The following FAM53A variants were observed in gnomAD, a reference collection of about 807,000 sequenced individuals.
The protein encoded by FAM53A is family with sequence similarity 53 member A.
A neutral mutation model predicts 26.6 loss-of-function variants in FAM53A; 28 were observed. The ratio of observed to expected loss-of-function variants is 1.05; its 90% CI spans 0.78 to 1.45. FAM53A has a LOEUF of 1.45. Among genes scored for constraint, FAM53A ranks in the 40% most tolerant of loss-of-function variants. FAM53A has a pLI of 0.00. For missense variants in FAM53A, 650 were observed against 575.8 expected (o/e 1.13, Z -1.32); for synonymous variants, 290 against 253.1 (o/e 1.15, Z -1.38).
chr4:1,649,783 C>G (rs1712581651), intron 4 of FAM53A, among the ~76,000 whole-genome samples: 1 of 152,270 alleles, frequency 6.6e-6, no homozygotes, highest in African/African-American at 2.4e-5. Context: ...CAGAGCCTCC[C>G]CATCGGCCTC....
At chr4:1,680,616 C>A (rs904522982) in intron 1 of FAM53A, among the ~76,000 whole-genome samples, 1 of 152,130 alleles carries the variant, frequency 6.6e-6, no homozygotes, top group East Asian at 1.9e-4. Context: ...TACATCCAGA[C>A]AGTGTAATAT....
the FAM53A span, among the ~76,000 whole-genome samples, chr4:1,581,541 C>G: frequency 6.6e-6 from 1 of 152,228 alleles, no homozygotes; most frequent in South Asian, 2.1e-4. Context: ...ACTGGCAAAA[C>G]CCAATTAGAC....
chr4:1,632,966 T>G (rs1426756570), intron 1 of FAM53A, among the ~76,000 whole-genome samples: 1 of 152,234 alleles, frequency 6.6e-6, no homozygotes, highest in Non-Finnish European at 1.5e-5. Context: ...CATACATGCA[T>G]GTGCACAGGG....
intron 2 of FAM53A, among the ~76,000 whole-genome samples, chr4:1,664,022 G>A (rs1234875376): frequency 6.6e-6 from 1 of 152,192 alleles, no homozygotes; most frequent in East Asian, 1.9e-4. Flanking sequence ...GGGACAAGCA[G>A]CTGGGTCCTC....
chr4:1,604,832 C>G, the FAM53A span, among the ~76,000 whole-genome samples: 4 of 152,160 alleles, frequency 2.6e-5, no homozygotes, highest in African/African-American at 7.2e-5. Flanking sequence ...GAGCACCACC[C>G]CCACCCTGCG....
chr4:1,645,821 C>A (rs780353467), intron 4 of FAM53A, among the ~76,000 whole-genome samples: 6 of 152,230 alleles, frequency 3.9e-5, no homozygotes, highest in Non-Finnish European at 5.9e-5. Flanking sequence ...TCGGTCTGCG[C>A]CGTCTCAAAC....
chr4:1,632,708 T>C (rs776192243), intron 1 of FAM53A, among the ~76,000 whole-genome samples: 1 of 152,262 alleles, frequency 6.6e-6, no homozygotes, highest in African/African-American at 2.4e-5. Context: ...TGCATGCACG[T>C]GGGCAGTTTG....
chr4:1,626,436 C>T (rs1467951806), intron 1 of FAM53A, among the ~76,000 whole-genome samples: 15 of 152,216 alleles, frequency 9.9e-5, no homozygotes, highest in Admixed American at 9.2e-4. Context: ...CCAGACCCAG[C>T]GGGGAAGTCG....
chr4:1,640,344 G>T lies in FAM53A; in HGVS notation c.*949C>A, dbSNP rs554867158. 9 of 232,430 alleles carry T rather than the reference G, an allele frequency of 3.9e-5. No homozygotes were observed. Among genetic ancestry groups the T allele is most frequent in the Non-Finnish European group, 7.5e-5 (9 of 120,360 alleles). 14.4% of individuals were successfully genotyped at this position (232,430 alleles called of 1,614,324 possible). A position where few individuals can be genotyped will look rare whatever the true frequency, so the allele number is the denominator to read the frequency against. On this transcript the variant is annotated 3_prime_UTR_variant, in exon 5 of 5. Coordinates refer to ENST00000308132, the MANE Select transcript of FAM53A (RefSeq NM_001174070.3). ...CCAAGCACCGTGACCCGTCGGGAGG[G>T]GGGGACACACGGGGCCAGTGGGACT...
intron 2 of FAM53A, among the ~76,000 whole-genome samples, chr4:1,668,069 C>A (rs1258684216): frequency 6.6e-6 from 1 of 152,114 alleles, no homozygotes; most frequent in Non-Finnish European, 1.5e-5. Flanking sequence ...ACAGGCACAC[C>A]TGCGCTTGGG....
chr4:1,673,196 C>T (rs1446506857), intron 1 of FAM53A, among the ~76,000 whole-genome samples: 1 of 152,154 alleles, frequency 6.6e-6, no homozygotes, highest in African/African-American at 2.4e-5. Flanking sequence ...GAGGCCCTGC[C>T]CAGACTGGAG....
chr4:1,595,408 G>A, the FAM53A span, among the ~76,000 whole-genome samples: 2 of 152,238 alleles, frequency 1.3e-5, no homozygotes, highest in East Asian at 1.9e-4. Context: ...CTGAGAAGGG[G>A]CATGCAGAGG....
chr4:1,597,986 G>A, the FAM53A span, among the ~76,000 whole-genome samples: 1 of 152,188 alleles, frequency 6.6e-6, no homozygotes. Context: ...ACAGAGCGAG[G>A]CTCCAAAAAG....
chr4:1,644,597 G>A (rs762093276), intron 4 of FAM53A: 55 of 454,220 alleles, frequency 1.2e-4, no homozygotes, highest in African/African-American at 2.4e-4. Context: ...CCGGGGCTCC[G>A]TCCCAGCTCC....
rs75669924 is a variant in FAM53A, at chr4:1,622,294, G to C, written c.432-4183C>G. Among the ~76,000 whole-genome samples the C allele has an allele frequency of 3.0e-4, 46 of 152,282 alleles. No individual in the cohort carries two copies. In the East Asian group the frequency reaches 5.6e-3, roughly 19 times the overall value. ...AGAGTGCAGCCCCCAGTGTGGGGGT[G>C]ACGACAGGGGCAGAACAAAGGCGGC... On this transcript the variant is annotated intron_variant, in intron 1 of 1. Coordinates refer to the FAM53A transcript ENST00000489029.
chr4:1,669,833 AAAG>A (rs1218380033), intron 1 of FAM53A, among the ~76,000 whole-genome samples: 1 of 152,216 alleles, frequency 6.6e-6, no homozygotes, highest in Non-Finnish European at 1.5e-5. Flanking sequence ...TTCCAGAGAA[AAAG>A]AAGAGTGCCT....
At chr4:1,611,331 T>C in the FAM53A span, among the ~76,000 whole-genome samples, 3 of 152,104 alleles carry the variant, frequency 2.0e-5, no homozygotes, top group African/African-American at 7.2e-5. Context: ...GCCACCCCAG[T>C]TCGAAGCCTT....
At chr4:1,651,681 A>G (rs116817688) in intron 4 of FAM53A, among the ~76,000 whole-genome samples, 2,926 of 150,042 alleles carry the variant, frequency 0.02, 48 homozygotes, top group Non-Finnish European at 0.028. Context: ...AGGACGGGAC[A>G]CCAGCCTGGG....
In FAM53A at chr4:1,659,969, G is replaced by A. The variant is rs1038229906; in HGVS notation, c.76-2501C>T. Reference sequence around the variant, plus strand: ...AGGACTTCAACATATGGGTTTCGGGGAATGTGAACATGCAACCCTTAAGCC... The same window carrying A: ...AGGACTTCAACATATGGGTTTCGGGAAATGTGAACATGCAACCCTTAAGCC... On this transcript the variant is annotated intron_variant, in intron 2 of 4. Coordinates refer to ENST00000308132, the MANE Select transcript of FAM53A (RefSeq NM_001174070.3). This position sits in a 1 kb window ranked among gnomAD's most constrained non-coding sequence, Gnocchi z 5.2. Among the ~76,000 whole-genome samples the A allele has an allele frequency of 2.6e-5, 4 of 152,296 alleles. No homozygotes were observed. In the South Asian group the frequency reaches 8.3e-4, roughly 32 times the overall value.
Sources: allele counts gnomAD v4.1 joint callset (sites outside exome capture counted in the v4.1 genomes callset), GRCh38; gene constraint gnomAD v4.1.1; non-coding constraint Gnocchi (gnomAD v3.1); transcripts MANE v1.5; gene names NCBI Gene and HGNC (gene_info 2026-07-23, HGNC 2026-07-21).